RORA: variants seen among roughly 807,000 people sequenced by gnomAD.
RORA encodes RAR related orphan receptor A, also known as nuclear receptor ROR-alpha.
RORA carries 7 observed loss-of-function variants against 69.5 expected under a neutral mutation model. The observed-to-expected ratio is 0.10, with a 90% CI of 0.06 to 0.19. The LOEUF is 0.19. RORA is among the 10% of genes least tolerant of loss of function. RORA has a pLI of 1.00. For missense variants in RORA, 457 were observed against 663.0 expected (o/e 0.69, Z 3.41); for synonymous variants, 261 against 240.8 (o/e 1.08, Z -0.78).
Position 60,716,197 on chromosome 15 carries a change from C to G in RORA, c.167-37511G>C, listed in dbSNP as rs192216958. Among the ~76,000 whole-genome samples, 69 of 152,308 alleles carry G rather than the reference C, an allele frequency of 4.5e-4. 1 individual carries two copies. The highest frequency in any genetic ancestry group is 1.6e-3 in the African/African-American group (65 of 41,562). The stretch of plus-strand genomic sequence containing the variant: ...GGACTAAACTTTGAGTAGCAAGATT[C>G]TAGACCAAGCCCACTTAACACTGTT... On this transcript the variant is annotated intron_variant, in intron 1 of 10. Coordinates refer to ENST00000335670, the MANE Select transcript of RORA (RefSeq NM_134261.3).
chr15:60,604,645 G>A (rs1157313728), intron 2 of RORA, among the ~76,000 whole-genome samples: 4 of 152,162 alleles, frequency 2.6e-5, no homozygotes, highest in African/African-American at 9.7e-5. Context: ...ATACATAGAT[G>A]TTGAGTAAAT....
intron 1 of RORA, among the ~76,000 whole-genome samples, chr15:60,878,298 C>T (rs1361856925): frequency 1.5e-5 from 2 of 135,224 alleles, no homozygotes; most frequent in East Asian, 4.2e-4. Flanking sequence ...GGGCCGAGAT[C>T]GCGGCATTGC....
chr15:60,599,182 C>T (rs2068760752), intron 2 of RORA, among the ~76,000 whole-genome samples: 1 of 152,090 alleles, frequency 6.6e-6, no homozygotes, highest in Non-Finnish European at 1.5e-5. Flanking sequence ...TTGAGCTAGA[C>T]CTTGAAGGCC....
At chr15:60,904,149 T>G (rs955490412) in intron 1 of RORA, among the ~76,000 whole-genome samples, 2 of 152,192 alleles carry the variant, frequency 1.3e-5, no homozygotes, top group Non-Finnish European at 1.5e-5. Flanking sequence ...AATAAGCCAA[T>G]TATTATGCCA....
At chr15:60,859,241 C>A (rs765033926) in intron 1 of RORA, among the ~76,000 whole-genome samples, 3 of 152,118 alleles carry the variant, frequency 2.0e-5, no homozygotes, top group Non-Finnish European at 4.4e-5. Flanking sequence ...GTCTTCCCAC[C>A]AAGAGATGAT....
intron 1 of RORA, among the ~76,000 whole-genome samples, chr15:60,865,441 G>T (rs953177098): frequency 6.6e-6 from 1 of 152,188 alleles, no homozygotes; most frequent in Non-Finnish European, 1.5e-5. Context: ...ATAGAGCTGT[G>T]GTTTTTGCTT....
intron 2 of RORA, among the ~76,000 whole-genome samples, chr15:60,640,638 C>T (rs11071547): frequency 0.38 from 57,216 of 151,746 alleles, 11,063 homozygotes; most frequent in East Asian, 0.59. Context: ...TTTTTTTTTC[C>T]GGTTGTACTG....
At chr15:61,176,125 C>T (rs970737981) in intron 1 of RORA, 1 of 152,192 alleles carries the variant, frequency 6.6e-6, no homozygotes, top group Non-Finnish European at 1.5e-5. Flanking sequence ...TAGCACTTAA[C>T]ATGTGTTGAA....
intron 1 of RORA, among the ~76,000 whole-genome samples, chr15:60,934,598 C>T (rs1892468319): frequency 1.3e-5 from 2 of 152,158 alleles, no homozygotes; most frequent in African/African-American, 4.8e-5. Context: ...CTTCAGCCTC[C>T]TGAGTTGCTG....
intron 1 of RORA, among the ~76,000 whole-genome samples, chr15:60,955,484 T>C (rs889883855): frequency 3.3e-5 from 5 of 152,206 alleles, no homozygotes; most frequent in Admixed American, 1.3e-4. Context: ...AGACCTCCAA[T>C]TGTTGTCATT....
chr15:60,654,207 AG>A (rs1262207136), intron 2 of RORA, among the ~76,000 whole-genome samples: 1 of 152,228 alleles, frequency 6.6e-6, no homozygotes, highest in East Asian at 1.9e-4. Flanking sequence ...ATCCTGAGAC[AG>A]GGGTAATGCA....
At chr15:61,040,668 G>A (rs1008518251) in intron 1 of RORA, among the ~76,000 whole-genome samples, 20 of 152,006 alleles carry the variant, frequency 1.3e-4, no homozygotes, top group African/African-American at 3.9e-4. Context: ...TCCCCTGAAC[G>A]TGTCACAGTA....
At chr15:60,598,794 T>C (rs756074683) in intron 2 of RORA, among the ~76,000 whole-genome samples, 2 of 152,204 alleles carry the variant, frequency 1.3e-5, no homozygotes, top group Non-Finnish European at 1.5e-5. Flanking sequence ...CTGCTAAGTA[T>C]TGAGGACACA....
intron 1 of RORA, among the ~76,000 whole-genome samples, chr15:61,156,781 T>C (rs1178258978): frequency 3.3e-5 from 5 of 152,308 alleles, no homozygotes; most frequent in African/African-American, 1.2e-4. Flanking sequence ...GGTTAATAAA[T>C]TTGTCAAAGT....
intron 1 of RORA, among the ~76,000 whole-genome samples, chr15:60,952,355 A>G (rs1011481742): frequency 1.9e-4 from 29 of 152,210 alleles, no homozygotes; most frequent in Admixed American, 1.1e-3. Context: ...GCAAAAACTG[A>G]AAGCATTCCC....
intron 2 of RORA, among the ~76,000 whole-genome samples, chr15:60,614,265 G>A (rs1423867488): frequency 6.6e-6 from 1 of 152,176 alleles, no homozygotes; most frequent in Non-Finnish European, 1.5e-5. Flanking sequence ...TAATCGCACA[G>A]AGGAAATGCA....
chr15:60,938,357 G>T (rs1172641664), intron 1 of RORA, among the ~76,000 whole-genome samples: 3 of 152,138 alleles, frequency 2.0e-5, no homozygotes, highest in African/African-American at 7.2e-5. Flanking sequence ...AATTAATAAA[G>T]ATGATCATTG....
At chr15:60,609,262 A>G (rs2069027281) in intron 2 of RORA, among the ~76,000 whole-genome samples, 1 of 152,206 alleles carries the variant, frequency 6.6e-6, no homozygotes, top group African/African-American at 2.4e-5. Flanking sequence ...TTTGCTTGGT[A>G]TGAAATACTG....
At position 60,537,844 on chromosome 15, in the gene RORA, T is replaced by A. The variant is rs530747961; in HGVS notation, c.197-5993A>T. Among the ~76,000 whole-genome samples, 14 of 152,318 alleles carry A rather than the reference T, an allele frequency of 9.2e-5. No individual in the cohort carries two copies. The highest frequency in any genetic ancestry group is 2.1e-4 in the South Asian group (1 of 4,826). Reference sequence around the variant, plus strand: ...GCTGAACCTCACCAAAACAATTAGATCTCCAAATAGAAAGCCCTACTCCTT... The same window carrying A: ...GCTGAACCTCACCAAAACAATTAGAACTCCAAATAGAAAGCCCTACTCCTT... On this transcript the variant is annotated intron_variant, in intron 2 of 10. Transcript: ENST00000335670. This position sits in a 1 kb window ranked among gnomAD's most constrained non-coding sequence, Gnocchi z 4.9.
Sources: gnomAD v4.1 joint callset for allele counts (sites outside exome capture counted in the v4.1 genomes callset) on GRCh38, gnomAD v4.1.1 for gene constraint, Gnocchi (gnomAD v3.1) non-coding constraint, MANE v1.5 for transcripts, NCBI Gene and HGNC (gene_info 2026-07-23, HGNC 2026-07-21) for gene names.